LRRTM4: variants seen among roughly 807,000 people sequenced by gnomAD.
LRRTM4 encodes the protein leucine rich repeat transmembrane neuronal 4.
Under a neutral mutation model 47.6 loss-of-function variants are expected in LRRTM4, and 25 were observed. The observed-to-expected ratio is 0.53, with a 90% CI of 0.38 to 0.73. LRRTM4 has a LOEUF of 0.73. LRRTM4 is among the 30% of genes least tolerant of loss of function. The pLI, the probability that LRRTM4 is intolerant of heterozygous loss-of-function variation, is 0.00. For synonymous variants in LRRTM4, 311 were observed against 269.5 expected (o/e 1.15, Z -1.51); for missense variants, 638 against 713.4 (o/e 0.89, Z 1.20).
At chr2:77,196,103 G>A (rs967164225) in intron 3 of LRRTM4, among the ~76,000 whole-genome samples, 1 of 152,102 alleles carries the variant, frequency 6.6e-6, no homozygotes, top group African/African-American at 2.4e-5. Flanking sequence ...AGAAATAATG[G>A]TATATTTGTT....
intron 3 of LRRTM4, among the ~76,000 whole-genome samples, chr2:77,007,107 T>C (rs1677682497): frequency 6.6e-6 from 1 of 151,906 alleles, no homozygotes; most frequent in Non-Finnish European, 1.5e-5. Flanking sequence ...CTGACAATAA[T>C]AGAAACTCAA....
chr2:76,816,604 C>T (rs1034532421), intron 3 of LRRTM4, among the ~76,000 whole-genome samples: 5 of 151,152 alleles, frequency 3.3e-5, no homozygotes, highest in Admixed American at 6.6e-5. Context: ...AAAAAGACTC[C>T]AATGTAACTC....
chr2:77,446,484 T>C (rs575386980), intron 3 of LRRTM4, among the ~76,000 whole-genome samples: 3 of 152,218 alleles, frequency 2.0e-5, no homozygotes, highest in Non-Finnish European at 2.9e-5. Context: ...ATAGCTTATA[T>C]TGAATATTAA....
At chr2:77,115,051 T>C (rs1197351783) in intron 3 of LRRTM4, among the ~76,000 whole-genome samples, 1 of 152,102 alleles carries the variant, frequency 6.6e-6, no homozygotes, top group African/African-American at 2.4e-5. Context: ...TTTCAGTACT[T>C]ATCTCAACTG....
At chr2:77,072,593 T>C (rs1680190893) in intron 3 of LRRTM4, among the ~76,000 whole-genome samples, 1 of 151,780 alleles carries the variant, frequency 6.6e-6, no homozygotes, top group South Asian at 2.1e-4. Context: ...AAGTCAGAAG[T>C]TCGAGACCAG....
At chr2:77,310,472 T>C (rs557974415) in intron 3 of LRRTM4, among the ~76,000 whole-genome samples, 28 of 152,294 alleles carry the variant, frequency 1.8e-4, no homozygotes, top group Admixed American at 5.2e-4. Context: ...AGACTAGAGC[T>C]TGCCAGCCTC....
At chr2:76,884,807 A>G (rs1673025051) in intron 3 of LRRTM4, among the ~76,000 whole-genome samples, 1 of 152,180 alleles carries the variant, frequency 6.6e-6, no homozygotes, top group African/African-American at 2.4e-5. Flanking sequence ...TAAACAGTGG[A>G]TAAATACTTG....
intron 3 of LRRTM4, among the ~76,000 whole-genome samples, chr2:76,983,027 A>G (rs1366141814): frequency 6.6e-6 from 1 of 151,564 alleles, no homozygotes. Flanking sequence ...AATTAAATAA[A>G]GACACATATT....
chr2:77,438,316 G>C (rs1471047815), intron 3 of LRRTM4, among the ~76,000 whole-genome samples: 1 of 149,658 alleles, frequency 6.7e-6, no homozygotes, highest in Admixed American at 6.6e-5. Flanking sequence ...ATCATATTTT[G>C]TGAAGAGGGT....
chr2:77,060,756 T>C (rs1191571358), intron 3 of LRRTM4, among the ~76,000 whole-genome samples: 2 of 152,178 alleles, frequency 1.3e-5, no homozygotes, highest in Non-Finnish European at 2.9e-5. Context: ...TATCTTAAGA[T>C]GCAACCTATG....
intron 3 of LRRTM4, among the ~76,000 whole-genome samples, chr2:77,124,227 A>G (rs1009895627): frequency 5.3e-5 from 8 of 152,142 alleles, no homozygotes; most frequent in African/African-American, 1.7e-4. Flanking sequence ...AGATCCAAAA[A>G]CATTAGGACG....
intron 3 of LRRTM4, among the ~76,000 whole-genome samples, chr2:76,923,371 A>T (rs942013749): frequency 3.3e-5 from 5 of 152,014 alleles, no homozygotes; most frequent in African/African-American, 4.8e-5. Flanking sequence ...CAGAGCCATT[A>T]TTAAAAATAA....
At chr2:77,294,124 T>C (rs1273024408) in intron 3 of LRRTM4, among the ~76,000 whole-genome samples, 2 of 152,134 alleles carry the variant, frequency 1.3e-5, no homozygotes, top group Admixed American at 1.3e-4. Flanking sequence ...TTGTAGACCC[T>C]TACGTATTAT....
intron 3 of LRRTM4, among the ~76,000 whole-genome samples, chr2:77,015,511 A>T (rs568723378): frequency 6.6e-6 from 1 of 152,088 alleles, no homozygotes; most frequent in Non-Finnish European, 1.5e-5. Context: ...CTTCTAGTAG[A>T]TACAGGATTT....
intron 3 of LRRTM4, among the ~76,000 whole-genome samples, chr2:77,042,497 GAAT>G (rs1331167237): frequency 6.6e-6 from 1 of 151,418 alleles, no homozygotes; most frequent in East Asian, 1.9e-4. Context: ...ACTTAATATT[GAAT>G]ATTATAGGTA....
chr2:77,041,373 G>A (rs1483089128), intron 3 of LRRTM4, among the ~76,000 whole-genome samples: 2 of 151,408 alleles, frequency 1.3e-5, no homozygotes, highest in African/African-American at 4.8e-5. Flanking sequence ...TGTTGCAATA[G>A]ACATGGGAGT....
chr2:76,779,811 TAG>T (rs768360692), intron 3 of LRRTM4, among the ~76,000 whole-genome samples: 15 of 152,224 alleles, frequency 9.9e-5, no homozygotes, highest in Admixed American at 4.6e-4. Context: ...ATTATGATGT[TAG>T]CTGGTTATTT....
chr2:77,364,648 C>T (rs767658139), intron 3 of LRRTM4, among the ~76,000 whole-genome samples: 8 of 152,036 alleles, frequency 5.3e-5, no homozygotes, highest in Non-Finnish European at 1.2e-4. Context: ...GCCTCACCCT[C>T]TGTGAGTCAA....
At chr2:77,374,018 T>C (rs10166715) in intron 3 of LRRTM4, among the ~76,000 whole-genome samples, 187 of 151,932 alleles carry the variant, frequency 1.2e-3, no homozygotes, top group African/African-American at 4.3e-3. Flanking sequence ...AGGGAGATTT[T>C]GACCTTCACT....
Sources: gnomAD v4.1 joint callset for allele counts (sites outside exome capture counted in the v4.1 genomes callset) on GRCh38, gnomAD v4.1.1 for gene constraint, MANE v1.5 for transcripts, NCBI Gene and HGNC (gene_info 2026-07-23, HGNC 2026-07-21) for gene names.